PDZRN4: variants seen among roughly 807,000 people sequenced by gnomAD.
The protein encoded by PDZRN4 is PDZ domain-containing RING finger protein 4.
In PDZRN4, 70 loss-of-function variants were observed where a neutral mutation model predicts 99.0. That is an observed-to-expected ratio of 0.71 (90% CI 0.58 to 0.86). PDZRN4 has a LOEUF of 0.86. PDZRN4 is among the 40% of genes least tolerant of loss of function. The pLI, the probability that PDZRN4 is intolerant of heterozygous loss-of-function variation, is 0.00. For synonymous variants in PDZRN4, 551 were observed against 501.6 expected (o/e 1.10, Z -1.32); for missense variants, 1,474 against 1,331.2 (o/e 1.11, Z -1.67).
intron 3 of PDZRN4, among the ~76,000 whole-genome samples, chr12:41,485,714 C>T (rs890437198): frequency 2.9e-4 from 44 of 152,052 alleles, no homozygotes; most frequent in African/African-American, 6.8e-4. Flanking sequence ...AATAAATAAA[C>T]GATGAGTCAT....
chr12:41,264,405 G>A (rs1746299037), intron 3 of PDZRN4, among the ~76,000 whole-genome samples: 2 of 152,014 alleles, frequency 1.3e-5, no homozygotes, highest in African/African-American at 4.8e-5. Flanking sequence ...TTTGAAATAT[G>A]TTCTTTTTCT....
intron 3 of PDZRN4, among the ~76,000 whole-genome samples, chr12:41,458,106 G>A (rs973749847): frequency 3.9e-5 from 6 of 152,168 alleles, no homozygotes; most frequent in Non-Finnish European, 2.9e-5. Flanking sequence ...TAAAAGCAGA[G>A]AGTCTGAACC....
At chr12:41,485,167 G>A (rs1041955424) in intron 3 of PDZRN4, among the ~76,000 whole-genome samples, 1 of 152,170 alleles carries the variant, frequency 6.6e-6, no homozygotes, top group Admixed American at 6.6e-5. Flanking sequence ...CAGAAAAGAT[G>A]TGCTTGTTTG....
chr12:41,474,709 T>C (rs1261486137), intron 3 of PDZRN4, among the ~76,000 whole-genome samples: 1 of 152,184 alleles, frequency 6.6e-6, no homozygotes, highest in Non-Finnish European at 1.5e-5. Flanking sequence ...GGATTATGGC[T>C]ATCATTTTAA....
chr12:41,382,303 T>C (rs1412624923), intron 3 of PDZRN4, among the ~76,000 whole-genome samples: 1 of 152,126 alleles, frequency 6.6e-6, no homozygotes, highest in Non-Finnish European at 1.5e-5. Context: ...GCTCTACAAT[T>C]GGGTGAGACC....
chr12:41,298,492 C>T (rs1951510060), intron 3 of PDZRN4, among the ~76,000 whole-genome samples: 1 of 152,190 alleles, frequency 6.6e-6, no homozygotes, highest in East Asian at 1.9e-4. Flanking sequence ...TACTAGTGTA[C>T]AGATTTTTAG....
chr12:41,230,121 G>A (rs954723780), intron 3 of PDZRN4, among the ~76,000 whole-genome samples: 1 of 151,948 alleles, frequency 6.6e-6, no homozygotes, highest in Non-Finnish European at 1.5e-5. Flanking sequence ...GGACATTGCT[G>A]CTGGGGAGGG....
intron 3 of PDZRN4, among the ~76,000 whole-genome samples, chr12:41,418,512 T>TA (rs995380849): frequency 3.9e-5 from 6 of 152,006 alleles, no homozygotes; most frequent in South Asian, 2.1e-4. Flanking sequence ...AATCTGAACT[T>TA]AAAAAAAATG....
intron 3 of PDZRN4, chr12:41,411,957 G>T (rs1952403203): frequency 6.6e-6 from 1 of 152,154 alleles, no homozygotes; most frequent in Non-Finnish European, 1.5e-5. Context: ...GTCAAATCAG[G>T]TCTACTCCGG....
At chr12:41,478,002 A>G (rs1937620363) in intron 3 of PDZRN4, 1 of 872,674 alleles carries the variant, frequency 1.1e-6, no homozygotes, top group South Asian at 1.5e-5. Flanking sequence ...TATAGATAAG[A>G]GGACAAATGT....
At chr12:41,356,244 A>T (rs193092096) in intron 3 of PDZRN4, among the ~76,000 whole-genome samples, 4 of 152,226 alleles carry the variant, frequency 2.6e-5, no homozygotes, top group African/African-American at 9.6e-5. Flanking sequence ...GAATATTTTT[A>T]AAATTATGTT....
intron 3 of PDZRN4, among the ~76,000 whole-genome samples, chr12:41,435,259 A>G (rs1239673829): frequency 6.6e-6 from 1 of 152,218 alleles, no homozygotes; most frequent in Non-Finnish European, 1.5e-5. Flanking sequence ...TTTTTGATAA[A>G]TAAGAAAATA....
chr12:41,419,358 G>C (rs1366779803), intron 3 of PDZRN4, among the ~76,000 whole-genome samples: 13 of 152,090 alleles, frequency 8.5e-5, no homozygotes, highest in Admixed American at 8.5e-4. Context: ...TTGAGACTTG[G>C]GATCCATGCA....
chr12:41,485,143 A>G (rs914903751), intron 3 of PDZRN4, among the ~76,000 whole-genome samples: 2 of 152,132 alleles, frequency 1.3e-5, no homozygotes, highest in Admixed American at 6.6e-5. Context: ...TGCTAATACT[A>G]TGTGTTGTAT....
chr12:41,325,684 A>G (rs1306581647), intron 3 of PDZRN4, among the ~76,000 whole-genome samples: 1 of 152,310 alleles, frequency 6.6e-6, no homozygotes, highest in African/African-American at 2.4e-5. Flanking sequence ...AGAGAGTTTA[A>G]CTATTGATCT....
intron 7 of PDZRN4, 71 bp downstream of exon 7, chr12:41,555,831 T>A: frequency 8.1e-7 from 1 of 1,242,062 alleles, no homozygotes; most frequent in Non-Finnish European, 1.2e-6. Flanking sequence ...TTGTTTCTTG[T>A]AAACTGTTGA....
intron 5 of PDZRN4, among the ~76,000 whole-genome samples, chr12:41,523,033 A>G (rs928642816): frequency 1.4e-4 from 21 of 152,090 alleles, no homozygotes; most frequent in African/African-American, 5.1e-4. Context: ...GTATTTAGGT[A>G]TATTTGGAAT....
At chr12:41,235,240 T>G (rs6582280) in intron 3 of PDZRN4, among the ~76,000 whole-genome samples, 102,221 of 151,882 alleles carry the variant, frequency 0.67, 34,538 homozygotes, top group South Asian at 0.73. Flanking sequence ...AATAGGTATG[T>G]CTCAAGCCCT....
chr12:41,494,816 A>G (rs997900344), intron 3 of PDZRN4, among the ~76,000 whole-genome samples: 7 of 152,134 alleles, frequency 4.6e-5, no homozygotes, highest in African/African-American at 1.4e-4. Flanking sequence ...GTCAGGCTGC[A>G]TTCAAATGGC....
Sources: gnomAD v4.1 joint callset for allele counts (sites outside exome capture counted in the v4.1 genomes callset) on GRCh38, gnomAD v4.1.1 for gene constraint, MANE v1.5 for transcripts, NCBI Gene and HGNC (gene_info 2026-07-23, HGNC 2026-07-21) for gene names.